The following PTPRQ variants were observed in gnomAD, a reference collection of about 807,000 sequenced individuals.
PTPRQ encodes the protein protein tyrosine phosphatase receptor type Q, also known as phosphatidylinositol phosphatase PTPRQ.
A neutral mutation model predicts 246.0 loss-of-function variants in PTPRQ; 199 were observed. That is an observed-to-expected ratio of 0.81 (90% CI 0.72 to 0.91). The LOEUF is 0.91. Ranked by LOEUF, PTPRQ falls within the 40% of genes least tolerant of loss-of-function variation. The pLI is 0.00. For synonymous variants in PTPRQ, 869 were observed against 853.2 expected, an observed-to-expected ratio of 1.02 and a Z score of -0.32; for missense variants, 2,624 against 2,528.4, an observed-to-expected ratio of 1.04 and a Z score of -0.81.
intron 27 of PTPRQ, among the ~76,000 whole-genome samples, chr12:80,605,846 A>C (rs1898298188): frequency 6.6e-6 from 1 of 151,116 alleles, no homozygotes; most frequent in Non-Finnish European, 1.5e-5. Context: ...GTGGGGTGCC[A>C]GTTGGTGATA....
chr12:80,450,642 GT>G lies in PTPRQ; in HGVS notation c.390+4930del, dbSNP rs1327210273. ...CTGCATCTATTGAGATAATCATGCGGTTTTTGTCTTTGATTTTGTTTATGTG... is the reference window on the plus strand; with the variant it reads ...CTGCATCTATTGAGATAATCATGCGGTTTTGTCTTTGATTTTGTTTATGTG... On this transcript the variant is annotated intron_variant, in intron 3 of 44. Coordinates refer to ENST00000644991, the MANE Select transcript of PTPRQ (RefSeq NM_001145026.2). 2.0e-5 allele frequency among the ~76,000 whole-genome samples: 3 copies of G among 152,022 alleles called. No homozygotes were observed. The East Asian group carries it at 5.8e-4, about 29-fold the overall frequency.
intron 14 of PTPRQ, among the ~76,000 whole-genome samples, chr12:80,504,752 A>C (rs1297587522): frequency 6.6e-6 from 1 of 151,954 alleles, no homozygotes; most frequent in Non-Finnish European, 1.5e-5. Context: ...TTCAGGGTAC[A>C]TATAGATATC....
intron 3 of PTPRQ, among the ~76,000 whole-genome samples, chr12:80,451,357 G>GT (rs1222618782): frequency 1.8e-5 from 2 of 109,020 alleles, no homozygotes; most frequent in African/African-American, 7.5e-5. Context: ...TTTTTGAAGG[G>GT]TTTTTTGTGT....
chr12:80,489,269 A>T (rs1256146203), intron 9 of PTPRQ, among the ~76,000 whole-genome samples: 1 of 152,020 alleles, frequency 6.6e-6, no homozygotes, highest in Non-Finnish European at 1.5e-5. Flanking sequence ...ATGAACATGA[A>T]CTTTGGAGCC....
chr12:80,610,140 T>C (rs760193696), intron 27 of PTPRQ, among the ~76,000 whole-genome samples: 7 of 150,604 alleles, frequency 4.6e-5, no homozygotes, highest in Admixed American at 2.0e-4. Flanking sequence ...CTACAAAATA[T>C]TGGAGTCAAA....
At chr12:80,629,128 A>G (rs1334988687) in intron 33 of PTPRQ, among the ~76,000 whole-genome samples, 5 of 150,894 alleles carry the variant, frequency 3.3e-5, no homozygotes, top group South Asian at 2.1e-4. Flanking sequence ...TGGTGGGGGG[A>G]GGAGGAGGAG....
intron 17 of PTPRQ, among the ~76,000 whole-genome samples, chr12:80,517,958 C>A (rs1346956256): frequency 6.6e-6 from 1 of 152,130 alleles, no homozygotes; most frequent in Non-Finnish European, 1.5e-5. Flanking sequence ...GTGCAGATAT[C>A]TCTTCCATAT....
At chr12:80,591,413 GCT>G (rs953797427) in intron 26 of PTPRQ, among the ~76,000 whole-genome samples, 1 of 152,040 alleles carries the variant, frequency 6.6e-6, no homozygotes, top group African/African-American at 2.4e-5. Flanking sequence ...TCAGGCATGA[GCT>G]ACCATCCCAC....
At chr12:80,541,284 A>C (rs1038703767) in intron 20 of PTPRQ, among the ~76,000 whole-genome samples, 5 of 151,930 alleles carry the variant, frequency 3.3e-5, no homozygotes, top group Admixed American at 6.6e-5. Context: ...CACACACACA[A>C]TCTCCACATA....
chr12:80,643,638 A>T (rs1217776839), intron 35 of PTPRQ, among the ~76,000 whole-genome samples: 2 of 152,198 alleles, frequency 1.3e-5, no homozygotes, highest in African/African-American at 4.8e-5. Context: ...ATGCAGAAGG[A>T]TGTGAAAGAA....
chr12:80,547,225 T>G (rs1412652160), intron 24 of PTPRQ: 1 of 153,560 alleles, frequency 6.5e-6, no homozygotes, highest in Non-Finnish European at 1.4e-5. Flanking sequence ...ACCTGCTGTG[T>G]CACACATGTA....
At chr12:80,660,656 A>G (rs753065522) in intron 39 of PTPRQ, among the ~76,000 whole-genome samples, 5 of 152,062 alleles carry the variant, frequency 3.3e-5, no homozygotes, top group African/African-American at 4.8e-5. Context: ...ATTTGATGAC[A>G]GCTTTTAACA....
intron 39 of PTPRQ, among the ~76,000 whole-genome samples, chr12:80,661,818 A>T (rs1900644172): frequency 6.6e-6 from 1 of 151,882 alleles, no homozygotes; most frequent in Non-Finnish European, 1.5e-5. Flanking sequence ...ACATTTATAG[A>T]GCACTTCAAA....
chr12:80,572,786 CT>C (rs920518631), intron 25 of PTPRQ, among the ~76,000 whole-genome samples: 41 of 152,140 alleles, frequency 2.7e-4, no homozygotes, highest in African/African-American at 7.0e-4. Flanking sequence ...CTTTTATTCT[CT>C]TGCTGTGATA....
Position 80,563,738 on chromosome 12 carries a change from G to C in PTPRQ, c.4285+14004G>C, listed in dbSNP as rs78630272. On this transcript the variant is annotated intron_variant, in intron 25 of 44. Coordinates refer to ENST00000644991, the MANE Select transcript of PTPRQ (RefSeq NM_001145026.2). ...GGGATCACCCTGGTTGGGAGGAGTA[G>C]TGATACCTTTTCACTGATGTCCACA... Among the ~76,000 whole-genome samples the C allele has an allele frequency of 4.5e-3, 682 of 152,246 alleles. 4 individuals carry two copies. Among genetic ancestry groups the C allele is most frequent in the African/African-American group, 0.015 (624 of 41,552 alleles).
In PTPRQ at chr12:80,616,020, G is replaced by A. The variant is rs138350084; in HGVS notation, c.5164-180G>A. On this transcript the variant is annotated intron_variant, in intron 29 of 44. Transcript: ENST00000644991. ...CAAGTGCAAGAAAATACAATTAATA[G>A]ACTATATGCAGTTGTTTTTTAAAGA... Among the ~76,000 whole-genome samples, 180 of 150,110 alleles carry A rather than the reference G, an allele frequency of 1.2e-3. 1 individual carries two copies. The highest frequency in any genetic ancestry group is 4.3e-3 in the African/African-American group (176 of 41,126).
intron 17 of PTPRQ, 62 bp downstream of exon 17, chr12:80,510,505 A>G (rs1468726298): frequency 5.1e-6 from 7 of 1,372,810 alleles, no homozygotes; most frequent in African/African-American, 1.5e-5. Flanking sequence ...CATAATAGGA[A>G]TGTAGCTTTT....
Position 80,605,099 on chromosome 12 carries a change from A to G in PTPRQ, c.4650A>G (p.Thr1550=), listed in dbSNP as rs1331059543. The change falls in exon 27 of 45, where the codon ACA becomes ACG. Residue 1550 remains threonine, a synonymous_variant. Coordinates refer to ENST00000644991, the MANE Select transcript of PTPRQ (RefSeq NM_001145026.2). ...CTGAAAATGTTCATGTAGTAGCAAC[A>G]TCACCTTTTAGCATCAGCATAAGCT... ...GPPENVHVVA[T]SPFSISISWS... 2.6e-6 allele frequency: 4 copies of G among 1,545,390 alleles called. No individual in the cohort carries two copies. The highest frequency in any genetic ancestry group is 3.5e-6 in the Non-Finnish European group (4 of 1,143,274).
chr12:80,661,677 T>A (rs1337079602), intron 39 of PTPRQ, among the ~76,000 whole-genome samples: 1 of 151,694 alleles, frequency 6.6e-6, no homozygotes, highest in Non-Finnish European at 1.5e-5. Flanking sequence ...TACATTTTTT[T>A]TCCCTAGAGC....
Sources: allele counts gnomAD v4.1 joint callset (sites outside exome capture counted in the v4.1 genomes callset), GRCh38; gene constraint gnomAD v4.1.1; transcripts MANE v1.5; gene names NCBI Gene and HGNC (gene_info 2026-07-23, HGNC 2026-07-21).